The following SGMS1 variants were observed in gnomAD, a reference collection of about 807,000 sequenced individuals.
SGMS1 encodes the protein phosphatidylcholine:ceramide cholinephosphotransferase 1.
In SGMS1, 13 loss-of-function variants were observed where a neutral mutation model predicts 46.2. The ratio of observed to expected loss-of-function variants is 0.28; its 90% confidence interval spans 0.18 to 0.45. The LOEUF is 0.45. Among genes scored for constraint, SGMS1 ranks in the 20% least tolerant of loss-of-function variants. SGMS1 has a pLI of 1.00. For synonymous variants in SGMS1, 203 were observed against 187.8 expected, an observed-to-expected ratio of 1.08 and a Z score of -0.66; for missense variants, 324 against 519.9, an observed-to-expected ratio of 0.62 and a Z score of 3.66.
At chr10:50,503,786 GAC>G (rs1050126803) in intron 3 of SGMS1, among the ~76,000 whole-genome samples, 1 of 152,196 alleles carries the variant, frequency 6.6e-6, no homozygotes, top group African/African-American at 2.4e-5. Flanking sequence ...GCCCCGTGCA[GAC>G]ACAGTCCACA....
intron 6 of SGMS1, among the ~76,000 whole-genome samples, chr10:50,403,016 T>C (rs1237494645): frequency 6.6e-6 from 1 of 152,230 alleles, no homozygotes; most frequent in East Asian, 1.9e-4. Flanking sequence ...CTTAGAATAA[T>C]GGCCCCCAGT....
At chr10:50,557,685 CAA>C (rs5784835) in intron 2 of SGMS1, among the ~76,000 whole-genome samples, 3,337 of 114,776 alleles carry the variant, frequency 0.029, 95 homozygotes, top group African/African-American at 0.1. Flanking sequence ...ACTCTAACAG[CAA>C]AAAAAAAAAA....
At chr10:50,427,821 G>A (rs1849348717) in intron 6 of SGMS1, among the ~76,000 whole-genome samples, 2 of 152,164 alleles carry the variant, frequency 1.3e-5, no homozygotes, top group Admixed American at 6.5e-5. Flanking sequence ...CATGGGATAT[G>A]TTCTACAAAC....
intron 1 of SGMS1, among the ~76,000 whole-genome samples, chr10:50,594,526 T>C (rs1294808543): frequency 6.6e-6 from 1 of 152,202 alleles, no homozygotes; most frequent in Non-Finnish European, 1.5e-5. Flanking sequence ...TTTTTTAATA[T>C]TTTTACCTAT....
intron 5 of SGMS1, among the ~76,000 whole-genome samples, chr10:50,450,511 G>A (rs1837093219): frequency 6.6e-6 from 1 of 152,094 alleles, no homozygotes; most frequent in South Asian, 2.1e-4. Context: ...CTATAAGTGA[G>A]TATACTAATA....
intron 6 of SGMS1, among the ~76,000 whole-genome samples, chr10:50,387,997 G>A (rs1848706765): frequency 6.6e-6 from 1 of 152,088 alleles, no homozygotes; most frequent in Non-Finnish European, 1.5e-5. Flanking sequence ...CCTGCATTTA[G>A]GTACAGTTCA....
At chr10:50,356,822 A>T (rs1025733385) in intron 6 of SGMS1, among the ~76,000 whole-genome samples, 2 of 152,186 alleles carry the variant, frequency 1.3e-5, no homozygotes, top group African/African-American at 4.8e-5. Flanking sequence ...CAAGGACAAA[A>T]AACCAAACAC....
chr10:50,520,693 A>G (rs770735494), intron 2 of SGMS1, among the ~76,000 whole-genome samples: 12 of 152,314 alleles, frequency 7.9e-5, no homozygotes, highest in Non-Finnish European at 1.6e-4. Flanking sequence ...TTCTTCCTGC[A>G]TAGATACTCA....
chr10:50,344,644 C>T (rs1425761497), intron 6 of SGMS1, among the ~76,000 whole-genome samples: 3 of 151,978 alleles, frequency 2.0e-5, no homozygotes, highest in African/African-American at 7.2e-5. Flanking sequence ...ACGAGGCGGG[C>T]GGATCACGAG....
chr10:50,368,912 T>C (rs1218789511), intron 6 of SGMS1, among the ~76,000 whole-genome samples: 2 of 152,246 alleles, frequency 1.3e-5, no homozygotes. Flanking sequence ...TGATTATATA[T>C]TACTGTGGAA....
chr10:50,333,785 G>A (rs1847666373), intron 7 of SGMS1, among the ~76,000 whole-genome samples: 1 of 152,178 alleles, frequency 6.6e-6, no homozygotes, highest in African/African-American at 2.4e-5. Flanking sequence ...CCCATACAGG[G>A]TAGATGGCAC....
intron 5 of SGMS1, among the ~76,000 whole-genome samples, chr10:50,445,206 A>G (rs1836995529): frequency 6.6e-6 from 1 of 152,234 alleles, no homozygotes; most frequent in Admixed American, 6.5e-5. Context: ...TGAAAAAAGC[A>G]AGAGTTGGCA....
At chr10:50,336,123 A>C (rs1197877702) in intron 7 of SGMS1, 1 of 152,158 alleles carries the variant, frequency 6.6e-6, no homozygotes, top group East Asian at 1.9e-4. Context: ...CTCCAAAAAA[A>C]CTGCCCTCGG....
chr10:50,609,023 C>T (rs972493677), intron 1 of SGMS1, among the ~76,000 whole-genome samples: 2 of 152,078 alleles, frequency 1.3e-5, no homozygotes, highest in Non-Finnish European at 2.9e-5. Context: ...CTCACTCTGT[C>T]GCCCAGTTTG....
intron 2 of SGMS1, among the ~76,000 whole-genome samples, chr10:50,579,289 A>G (rs1260554106): frequency 6.6e-6 from 1 of 152,174 alleles, no homozygotes; most frequent in East Asian, 1.9e-4. Context: ...AGGCTGTCAT[A>G]AGACAGTAAG....
At chr10:50,476,700 G>A (rs559078543) in intron 3 of SGMS1, among the ~76,000 whole-genome samples, 4 of 152,242 alleles carry the variant, frequency 2.6e-5, no homozygotes, top group Admixed American at 1.3e-4. Flanking sequence ...GCAGCATCAG[G>A]TCATGGCTCC....
At chr10:50,529,850 T>G (rs1163371540) in intron 2 of SGMS1, among the ~76,000 whole-genome samples, 1 of 152,186 alleles carries the variant, frequency 6.6e-6, no homozygotes, top group African/African-American at 2.4e-5. Context: ...TTGGTGCTTT[T>G]GGCAAAGGAG....
intron 2 of SGMS1, among the ~76,000 whole-genome samples, chr10:50,586,582 GA>G (rs1392586909): frequency 1.3e-5 from 2 of 152,226 alleles, no homozygotes; most frequent in African/African-American, 4.8e-5. Context: ...AGTCTCCTTG[GA>G]GGGGCTGTAG....
chr10:50,365,357 AAAG>A, intron 6 of SGMS1, among the ~76,000 whole-genome samples: 1 of 152,080 alleles, frequency 6.6e-6, no homozygotes, highest in East Asian at 1.9e-4. Context: ...GGCTGAAAGA[AAAG>A]AACACAATTT....
Sources: allele counts gnomAD v4.1 joint callset (sites outside exome capture counted in the v4.1 genomes callset), GRCh38; gene constraint gnomAD v4.1.1; transcripts MANE v1.5; gene names NCBI Gene and HGNC (gene_info 2026-07-23, HGNC 2026-07-21).